Variants in SNTG2 observed in about 807,000 individuals in gnomAD.
SNTG2 encodes syntrophin gamma 2, also known as gamma-2-syntrophin.
SNTG2 carries 74 observed loss-of-function variants against 70.9 expected under a neutral mutation model. The observed-to-expected ratio is 1.04, with a 90% CI of 0.86 to 1.27. The LOEUF is 1.27. Among genes scored for constraint, SNTG2 ranks in the 50% most tolerant of loss-of-function variants. The pLI, the probability that SNTG2 is intolerant of heterozygous loss-of-function variation, is 0.00. For missense variants in SNTG2, 717 were observed against 690.7 expected, an observed-to-expected ratio of 1.04 and a Z score of -0.43; for synonymous variants, 278 against 273.8, an observed-to-expected ratio of 1.02 and a Z score of -0.15.
rs1362106119 is a variant in SNTG2 at position 1,367,418 on chromosome 2, G to A, written c.1564G>A (p.Asp522Asn). ...CATAGCAGCCAAGGTGGCCTCCGTGGACCCCGGCTTCATGGACAGTCAGAG... is the reference window on the plus strand; with the variant it reads ...CATAGCAGCCAAGGTGGCCTCCGTGAACCCCGGCTTCATGGACAGTCAGAG... Reference protein sequence around the residue: ...SFIAAKVASVDPGFMDSQSLA... With the variant: ...SFIAAKVASVNPGFMDSQSLA... Residue 522 changes from aspartate (D) to asparagine (N), a missense_variant, in exon 17 of 17, where the codon GAC becomes AAC. Transcript: ENST00000308624. The A allele has an allele frequency of 1.3e-6, 2 of 1,551,672 alleles. No individual in the cohort carries two copies. The highest frequency in any genetic ancestry group is 8.7e-7 in the Non-Finnish European group (1 of 1,146,996).
chr2:1,145,709 C>G (rs1465481428), intron 6 of SNTG2, among the ~76,000 whole-genome samples: 2 of 152,108 alleles, frequency 1.3e-5, no homozygotes, highest in Non-Finnish European at 2.9e-5. Context: ...TCCATGAGGC[C>G]AGCTTTATCA....
chr2:1,021,008 C>T (rs1479571540), intron 1 of SNTG2, among the ~76,000 whole-genome samples: 2 of 152,130 alleles, frequency 1.3e-5, no homozygotes, highest in African/African-American at 4.8e-5. Context: ...AGAAGAATAG[C>T]TTTTCCTCAT....
chr2:1,091,350 G>T (rs1474368308), intron 2 of SNTG2, among the ~76,000 whole-genome samples: 5 of 152,220 alleles, frequency 3.3e-5, no homozygotes, highest in African/African-American at 4.8e-5. Context: ...TCAGTACAGG[G>T]GCTGGGGGAG....
intron 1 of SNTG2, among the ~76,000 whole-genome samples, chr2:1,016,278 G>T (rs969956658): frequency 6.6e-6 from 1 of 152,152 alleles, no homozygotes; most frequent in African/African-American, 2.4e-5. Flanking sequence ...GTCTCGCTCT[G>T]TCACCCAGGC....
intron 14 of SNTG2, among the ~76,000 whole-genome samples, chr2:1,284,058 G>A (rs1416514840): frequency 2.2e-4 from 33 of 152,172 alleles, no homozygotes; most frequent in Non-Finnish European, 1.0e-4. Context: ...TGCTCTTGGT[G>A]CCTGTGAGCT....
intron 1 of SNTG2, among the ~76,000 whole-genome samples, chr2:959,300 T>C (rs965233911): frequency 7.9e-5 from 12 of 152,358 alleles, no homozygotes; most frequent in Admixed American, 5.2e-4. Context: ...TTTATGCAAC[T>C]CTTCCTTATT....
intron 7 of SNTG2, among the ~76,000 whole-genome samples, chr2:1,168,597 T>C (rs1670912421): frequency 6.6e-6 from 1 of 152,228 alleles, no homozygotes; most frequent in Non-Finnish European, 1.5e-5. Context: ...GCTTTCATCT[T>C]CCTGAGCAAC....
intron 4 of SNTG2, among the ~76,000 whole-genome samples, chr2:1,110,812 A>C (rs1666394133): frequency 2.0e-5 from 3 of 152,242 alleles, no homozygotes; most frequent in Admixed American, 2.0e-4. Context: ...GCACTAATAT[A>C]TAAGTCAGAT....
chr2:1,123,878 A>G (rs565388671), intron 4 of SNTG2, among the ~76,000 whole-genome samples: 1 of 152,232 alleles, frequency 6.6e-6, no homozygotes, highest in African/African-American at 2.4e-5. Flanking sequence ...CAAGGCAGAT[A>G]CAGAAAGACA....
intron 1 of SNTG2, among the ~76,000 whole-genome samples, chr2:1,060,400 A>G (rs1662735044): frequency 6.6e-6 from 1 of 152,156 alleles, no homozygotes; most frequent in African/African-American, 2.4e-5. Context: ...AAGTGCATAG[A>G]TACAGAGATA....
intron 16 of SNTG2, among the ~76,000 whole-genome samples, chr2:1,332,776 C>T (rs1343186004): frequency 1.3e-5 from 2 of 152,096 alleles, no homozygotes; most frequent in African/African-American, 4.8e-5. Flanking sequence ...TTAAAACCCT[C>T]AGTAAAATCA....
rs1370225244 is a variant in SNTG2 at position 1,255,790 on chromosome 2, GTGTA to G, written c.1006-3578_1006-3575del. Among the ~76,000 whole-genome samples the G allele has an allele frequency of 2.8e-4, 26 of 94,432 alleles. 1 individual carries two copies. The East Asian group carries it at 6.6e-3, about 24-fold the overall frequency. 62.0% of individuals were successfully genotyped at this position (94,432 alleles called of 152,430 possible). A position where few individuals can be genotyped will look rare whatever the true frequency, so the allele number is the denominator to read the frequency against. On this transcript the variant is annotated intron_variant, in intron 12 of 16. Coordinates refer to ENST00000308624, the MANE Select transcript of SNTG2 (RefSeq NM_018968.4). Reference sequence around the variant, plus strand: ...TAATCTTCTAATTATATGTGTGTGTGTGTATATATATATATACACAAAGTTGTAT... The same window carrying G: ...TAATCTTCTAATTATATGTGTGTGTGTATATATATATACACAAAGTTGTAT...
At chr2:963,339 G>T (rs944984837) in intron 1 of SNTG2, among the ~76,000 whole-genome samples, 1 of 151,728 alleles carries the variant, frequency 6.6e-6, no homozygotes, top group African/African-American at 2.4e-5. Flanking sequence ...AGATAAGAAA[G>T]GCAGCATGCT....
intron 1 of SNTG2, among the ~76,000 whole-genome samples, chr2:1,040,323 C>T (rs1045020112): frequency 6.6e-6 from 1 of 152,146 alleles, no homozygotes; most frequent in Non-Finnish European, 1.5e-5. Context: ...TTTGAGAACC[C>T]CTTCTCTGGC....
rs1264943208 is a variant in SNTG2 at position 957,280 on chromosome 2, G to T, written c.72+6212G>T. 2.0e-5 allele frequency among the ~76,000 whole-genome samples: 3 copies of T among 152,098 alleles called. No individual in the cohort carries two copies. In the East Asian group the frequency reaches 5.8e-4, roughly 29 times the overall value. ...GGTAGATAGAGAAAGTCCAGCCTTTGTATTACCTCCTCAGAAACACTAGAA... is the reference window on the plus strand; with the variant it reads ...GGTAGATAGAGAAAGTCCAGCCTTTTTATTACCTCCTCAGAAACACTAGAA... On this transcript the variant is annotated intron_variant, in intron 1 of 16. Transcript: ENST00000308624.
At chr2:1,139,579 A>C (rs907531337) in intron 6 of SNTG2, among the ~76,000 whole-genome samples, 1 of 152,172 alleles carries the variant, frequency 6.6e-6, no homozygotes, top group Non-Finnish European at 1.5e-5. Context: ...TAATCCAAGC[A>C]CTTTGGGAGG....
intron 1 of SNTG2, among the ~76,000 whole-genome samples, chr2:1,020,565 A>T (rs1363119355): frequency 1.9e-5 from 2 of 103,852 alleles, no homozygotes; most frequent in East Asian, 2.1e-4. Flanking sequence ...ATTTGTAGGA[A>T]TTTTTTTTTT....
chr2:1,134,613 CAT>C (rs1305726650), intron 4 of SNTG2, among the ~76,000 whole-genome samples: 1 of 152,160 alleles, frequency 6.6e-6, no homozygotes, highest in Non-Finnish European at 1.5e-5. Flanking sequence ...CTTAGCTAGA[CAT>C]AAAGGTTCTC....
intron 14 of SNTG2, among the ~76,000 whole-genome samples, chr2:1,272,016 C>T (rs577676551): frequency 3.4e-4 from 52 of 152,234 alleles, no homozygotes; most frequent in African/African-American, 1.2e-3. Context: ...AAGTCAGCAA[C>T]GGTCCCAACC....
Sources: allele counts gnomAD v4.1 joint callset (sites outside exome capture counted in the v4.1 genomes callset), GRCh38; gene constraint gnomAD v4.1.1; transcripts MANE v1.5; gene names NCBI Gene and HGNC (gene_info 2026-07-23, HGNC 2026-07-21).